Variants in REXO1 observed in about 807,000 individuals in gnomAD.
REXO1 encodes the protein RNA exonuclease 1 homolog.
In REXO1, 42 loss-of-function variants were observed where a neutral mutation model predicts 102.6. The ratio of observed to expected loss-of-function variants is 0.41; its 90% CI spans 0.32 to 0.53. The LOEUF is 0.53. Among genes scored for constraint, REXO1 ranks in the 20% least tolerant of loss-of-function variants. The probability of loss-of-function intolerance (pLI) is 0.27; values close to 1 mark genes in which losing one functional copy is unlikely to be tolerated. For missense variants in REXO1, 1,819 were observed against 1,732.5 expected, an observed-to-expected ratio of 1.05 and a Z score of -0.89; for synonymous variants, 908 against 779.1, an observed-to-expected ratio of 1.17 and a Z score of -2.76.
At chr19:1,848,162 G>T in intron 1 of REXO1, 40 bp downstream of exon 1, 1 of 1,062,828 alleles carries the variant, frequency 9.4e-7, no homozygotes, top group East Asian at 3.3e-5. Context: ...GACCCGGGCA[G>T]GGGAGCCGAG....
chr19:1,824,049 G>A (rs1423281621), intron 3 of REXO1: 10 of 376,680 alleles, frequency 2.7e-5, no homozygotes, highest in East Asian at 3.8e-5. Context: ...GGGTGGGCGG[G>A]ACTACCCCGA....
intron 3 of REXO1, chr19:1,824,132 G>C: frequency 4.4e-6 from 1 of 226,480 alleles, no homozygotes; most frequent in Non-Finnish European, 8.6e-6. Context: ...GAGGCTCTGG[G>C]ACTGGAGCAA....
At chr19:1,819,387 C>T (rs113285609) in intron 7 of REXO1, among the ~76,000 whole-genome samples, 391 of 152,286 alleles carry the variant, frequency 2.6e-3, no homozygotes, top group African/African-American at 9.0e-3. Flanking sequence ...AAGTCTTCGT[C>T]CCCTCCCCTC....
intron 6 of REXO1, 102 bp downstream of exon 6, chr19:1,820,162 C>A: frequency 6.4e-7 from 1 of 1,560,542 alleles, no homozygotes; most frequent in South Asian, 1.2e-5. Flanking sequence ...TCCCAGGCAG[C>A]TCCGGGTCAC....
intron 4 of REXO1, chr19:1,822,740 G>T (rs960509220): frequency 3.3e-5 from 5 of 152,292 alleles, no homozygotes; most frequent in Non-Finnish European, 7.3e-5. Context: ...GAGTAGCCTG[G>T]AGAGCTCTCC....
intron 5 of REXO1, among the ~76,000 whole-genome samples, 155 bp downstream of exon 5, chr19:1,821,364 C>G (rs1450099479): frequency 2.6e-5 from 4 of 151,518 alleles, no homozygotes; most frequent in African/African-American, 9.7e-5. Context: ...AAAAAAACAC[C>G]AAGGCATGGG....
intron 1 of REXO1, among the ~76,000 whole-genome samples, chr19:1,835,218 C>T (rs569158003): frequency 6.8e-4 from 104 of 152,252 alleles, no homozygotes; most frequent in African/African-American, 2.2e-3. Flanking sequence ...CTGCTAGGTG[C>T]CCTGGGAGCC....
chr19:1,840,071 AC>A (rs558029950), intron 1 of REXO1, among the ~76,000 whole-genome samples: 1 of 152,078 alleles, frequency 6.6e-6, no homozygotes, highest in South Asian at 2.1e-4. Flanking sequence ...GTGGGGATGG[AC>A]CTGTCGCCAG....
rs1344943051 is a variant in REXO1 at position 1,828,768 on chromosome 19, G to A, written c.158-137C>T. On this transcript the variant is annotated intron_variant, in intron 1 of 15. Coordinates refer to ENST00000170168, the MANE Select transcript of REXO1 (RefSeq NM_020695.4). ...CCACCACGCACTGGCGCCCGCCAAG[G>A]CTCTGGGGTGCCCAGCTGGGTACAG... The A allele has an allele frequency of 5.1e-6, 6 of 1,173,068 alleles. No homozygotes were observed. The East Asian group carries it at 1.5e-4, about 30-fold the overall frequency. The allele number at this position is 1,173,068 out of a possible 1,614,324, so 72.7% of individuals were successfully genotyped here. A position where few individuals can be genotyped will look rare whatever the true frequency, so the allele number is the denominator to read the frequency against.
chr19:1,825,787 TAAAAAAA>T, intron 3 of REXO1, 45 bp downstream of exon 3: 2 of 995,590 alleles, frequency 2.0e-6, no homozygotes, highest in Non-Finnish European at 2.9e-6. Context: ...ACCTCGTCTT[TAAAAAAA>T]AAAAAAAAAA....
intron 1 of REXO1, among the ~76,000 whole-genome samples, chr19:1,833,220 G>A (rs1368707100): frequency 6.6e-6 from 1 of 152,190 alleles, no homozygotes; most frequent in East Asian, 1.9e-4. Context: ...GCAAGATCCT[G>A]TCTCTAAAAC....
chr19:1,820,352 A>G lies in REXO1; in HGVS notation c.2438T>C (p.Val813Ala). The change falls in exon 6 of 16, where the codon GTC becomes GCC. Residue 813 changes from valine to alanine, a missense_variant. By Grantham distance (64) the Val-to-Ala change is moderately conservative. Transcript: ENST00000170168. ...PIIPKEFGGK[V>A]PTVIRQRYLN... ...ATAGCGCTGGCGGATGACGGTGGGG[A>G]CTTTGCCCCCAAACTCTTTGGGGAT... is the stretch of plus-strand genomic sequence containing the variant. 6.2e-7 allele frequency: 1 copy of G among 1,613,768 alleles called. No homozygotes were observed. Among genetic ancestry groups the G allele is most frequent in the Non-Finnish European group, 8.5e-7 (1 of 1,179,936 alleles).
intron 1 of REXO1, among the ~76,000 whole-genome samples, chr19:1,830,437 G>A (rs1315042281): frequency 6.6e-6 from 1 of 152,232 alleles, no homozygotes; most frequent in Non-Finnish European, 1.5e-5. Flanking sequence ...TGAGCCCAGG[G>A]GCTTGAGGCT....
chr19:1,820,035 G>A lies in REXO1; in HGVS notation c.2549C>T (p.Ala850Val), dbSNP rs61741977. 257 of 1,603,988 alleles carry A rather than the reference G, an allele frequency of 1.6e-4. 2 individuals carry two copies. In the African/African-American group the frequency reaches 3.2e-3, roughly 20 times the overall value. Residue 850 changes from alanine to valine, a missense_variant, in exon 7 of 16, where the codon GCC (alanine) becomes GTC (valine). Ala to Val is a moderately conservative substitution (Grantham distance 64, BLOSUM62 0). Transcript: ENST00000170168. Reference sequence around the variant, plus strand: ...GTTCTTGCTGGGGCTGCGGTCATAGGCCACCTTCTCCTCGTTCAGTGCCTG... The same window carrying A: ...GTTCTTGCTGGGGCTGCGGTCATAGACCACCTTCTCCTCGTTCAGTGCCTG... ...IEKALNEEKVAYDRSPSKNIY... is the reference protein window; with the variant it reads ...IEKALNEEKVVYDRSPSKNIY...
In REXO1 at chr19:1,827,463, A is replaced by T. The variant is rs755638835; in HGVS notation, c.1326T>A (p.Pro442=). The T allele has an allele frequency of 3.2e-6, 5 of 1,570,172 alleles. No individual in the cohort carries two copies. The highest frequency in any genetic ancestry group is 4.3e-6 in the Non-Finnish European group (5 of 1,168,964). The change falls in exon 2 of 16, where the codon CCT becomes CCA. Residue 442 remains proline, a synonymous_variant. Coordinates refer to ENST00000170168, the MANE Select transcript of REXO1 (RefSeq NM_020695.4). ...GCCTCCCTTTCCCTGAGGTGGCCAC[A>T]GGAGTGGCCGAAGATGGCTTCTTCT... ...GTKKKPSSAT[P]VATSGKGRPD...
intron 1 of REXO1, among the ~76,000 whole-genome samples, chr19:1,829,279 C>T (rs925885843): frequency 5.3e-5 from 8 of 152,084 alleles, no homozygotes; most frequent in African/African-American, 1.9e-4. Context: ...CTCTCTGCTG[C>T]CCAAGCTGGA....
intron 1 of REXO1, among the ~76,000 whole-genome samples, chr19:1,831,162 G>A (rs1319880376): frequency 6.6e-6 from 1 of 152,188 alleles, no homozygotes; most frequent in Non-Finnish European, 1.5e-5. Flanking sequence ...CTGCCCAAGA[G>A]GGACGTGAAT....
chr19:1,831,342 G>A (rs1034724600), intron 1 of REXO1, among the ~76,000 whole-genome samples: 2 of 152,186 alleles, frequency 1.3e-5, no homozygotes, highest in Non-Finnish European at 2.9e-5. Flanking sequence ...CTTCCACTCA[G>A]AAAACCTGCC....
Position 1,827,073 on chromosome 19 carries a change from G to A in REXO1, c.1716C>T (p.Ala572=). ...EAQGPPKRLK[A]SPPPSPAPSS... is the part of the protein sequence containing the mutation. Reference sequence around the variant, plus strand: ...ATGGGGCGGGGGAGGGGGGCGGGGAGGCCTTGAGCCGCTTGGGCGGCCCCT... The same window carrying A: ...ATGGGGCGGGGGAGGGGGGCGGGGAAGCCTTGAGCCGCTTGGGCGGCCCCT... The change falls in exon 2 of 16, where the codon GCC becomes GCT. Residue 572 remains alanine (A), a synonymous_variant. Transcript: ENST00000170168. The A allele has an allele frequency of 1.3e-6, 2 of 1,537,808 alleles. No individual in the cohort carries two copies. Among genetic ancestry groups the A allele is most frequent in the South Asian group, 1.2e-5 (1 of 83,794 alleles).
Sources: gnomAD v4.1 joint callset for allele counts (sites outside exome capture counted in the v4.1 genomes callset) on GRCh38, gnomAD v4.1.1 for gene constraint, MANE v1.5 for transcripts, NCBI Gene and HGNC (gene_info 2026-07-23, HGNC 2026-07-21) for gene names.